HK1: variants seen among roughly 807,000 people sequenced by gnomAD.
HK1 encodes hexokinase 1, also known as hexokinase-1.
A neutral mutation model predicts 91.6 loss-of-function variants in HK1; 28 were observed. The observed-to-expected ratio is 0.31, with a 90% CI of 0.23 to 0.42. The LOEUF (loss-of-function observed/expected upper bound fraction) is 0.42, where lower values mean the gene tolerates loss of function less well. HK1 is among the 10% of genes least tolerant of loss of function. The pLI is 1.00. For missense variants in HK1, 770 were observed against 1,219.8 expected (o/e 0.63, Z 5.49); for synonymous variants, 430 against 468.1 (o/e 0.92, Z 1.05).
At chr10:69,366,289 C>T (rs898362129) in intron 4 of HK1, among the ~76,000 whole-genome samples, 20 of 152,286 alleles carry the variant, frequency 1.3e-4, no homozygotes, top group African/African-American at 3.9e-4. Context: ...ATTCCATGCT[C>T]GTAACTGGTC....
chr10:69,318,845 A>AGGAGGAGGAGCCGCCGAGCAGCCGCC (rs1404571487), upstream of HK1: 2,229 of 1,481,954 alleles, frequency 1.5e-3, 4 homozygotes, highest in Non-Finnish European at 1.9e-3. Flanking sequence ...GGGGAGGAGG[A>AGGAGGAGGAGCCGCCGAGCAGCCGCC]GGAGGAGGAG....
chr10:69,292,328 C>T (rs1323881268), intron 3 of HK1: 1 of 443,160 alleles, frequency 2.3e-6, no homozygotes, highest in Non-Finnish European at 4.5e-6. Flanking sequence ...CTGCCTCAGC[C>T]TCCTAAAGTG....
intron 1 of HK1, among the ~76,000 whole-genome samples, chr10:69,325,468 C>T (rs1235658338): frequency 3.3e-5 from 5 of 151,872 alleles, no homozygotes; most frequent in Admixed American, 3.3e-4. Context: ...AGCGATTCTC[C>T]TGCCTCAGCC....
At chr10:69,381,419 C>A (rs1228275846) in intron 9 of HK1, among the ~76,000 whole-genome samples, 1 of 151,828 alleles carries the variant, frequency 6.6e-6, no homozygotes, top group Non-Finnish European at 1.5e-5. Flanking sequence ...TTAGCCATTT[C>A]TTTCTTTTTT....
At chr10:69,288,036 T>C (rs1218598370) in intron 2 of HK1, among the ~76,000 whole-genome samples, 3 of 151,908 alleles carry the variant, frequency 2.0e-5, no homozygotes, top group Non-Finnish European at 2.9e-5. Flanking sequence ...TGGTTGCAGC[T>C]ACTCAGCAGG....
chr10:69,378,713 C>G (rs1263125890), intron 8 of HK1, among the ~76,000 whole-genome samples: 1 of 152,116 alleles, frequency 6.6e-6, no homozygotes, highest in Non-Finnish European at 1.5e-5. Context: ...AGCCACTGTG[C>G]CCAGCCCCCA....
chr10:69,386,258 G>GA, intron 12 of HK1, 65 bp from the exon 13 acceptor site: 1 of 1,334,300 alleles, frequency 7.5e-7, no homozygotes, highest in Non-Finnish European at 1.1e-6. Flanking sequence ...GGGAGGGTTG[G>GA]AATTTTGTGT....
intron 1 of HK1, chr10:69,270,887 A>G (rs1359305950): frequency 6.6e-6 from 1 of 152,196 alleles, no homozygotes; most frequent in Middle Eastern, 3.2e-3. Flanking sequence ...TAGCAATTGA[A>G]CAGTTTTCTG....
rs74427273 is a variant in HK1, at chr10:69,348,213, A to T, written c.226+4224A>T. On this transcript the variant is annotated intron_variant, in intron 2 of 17. Transcript: ENST00000359426. ...ACCCAAAGGAGAAGTAAAAAAAAAA[A>T]TTTTCTAGAAGCTTGGATGTGCCAT... is the stretch of plus-strand genomic sequence containing the variant. Among the ~76,000 whole-genome samples, 15 of 152,182 alleles carry T rather than the reference A, an allele frequency of 9.9e-5. No homozygotes were observed. In the South Asian group the frequency reaches 1.5e-3, roughly 15 times the overall value.
At chr10:69,283,024 G>T (rs111335869) in intron 2 of HK1, among the ~76,000 whole-genome samples, 8,145 of 150,502 alleles carry the variant, frequency 0.054, 314 homozygotes, top group South Asian at 0.13. Context: ...TACTTCGGAG[G>T]CTGAGGCAGG....
chr10:69,400,916 T>C lies in HK1; in HGVS notation c.2610-75T>C. 4.0e-6 allele frequency: 6 copies of C among 1,499,622 alleles called. 1 individual carries two copies. In the South Asian group the frequency reaches 4.5e-5, roughly 11 times the overall value. 92.9% of individuals were successfully genotyped at this position (1,499,622 alleles called of 1,614,324 possible). Reference sequence around the variant, plus strand: ...TCATCACCAGTCAGGGGGCTGTCTGTGCTTTGGTGTTTTCGGGTAGGCCCA... The same window carrying C: ...TCATCACCAGTCAGGGGGCTGTCTGCGCTTTGGTGTTTTCGGGTAGGCCCA... On this transcript the variant is annotated intron_variant, in intron 17 of 17. Coordinates refer to ENST00000359426, the MANE Select transcript of HK1 (RefSeq NM_000188.3).
At chr10:69,379,329 G>A (rs576760141) in intron 8 of HK1, among the ~76,000 whole-genome samples, 129 of 152,270 alleles carry the variant, frequency 8.5e-4, no homozygotes, top group African/African-American at 2.9e-3. Flanking sequence ...GTGTGTATGT[G>A]TGAGTGTATA....
rs1190060918 is a variant in HK1 at position 69,401,334 on chromosome 10, T to C, written c.*199T>C. The C allele has an allele frequency of 6.2e-6, 4 of 646,428 alleles. No individual in the cohort carries two copies. Among genetic ancestry groups the C allele is most frequent in the Non-Finnish European group, 1.1e-5 (4 of 372,714 alleles). 40.0% of individuals were successfully genotyped at this position (646,428 alleles called of 1,614,324 possible). On this transcript the variant is annotated 3_prime_UTR_variant, in exon 18 of 18. Coordinates refer to ENST00000359426, the MANE Select transcript of HK1 (RefSeq NM_000188.3). ...CTGTTGATAATATCTCTCACCCGGA[T>C]CCCTCCTCACTTGCCCTGCCACTTT...
chr10:69,358,543 A>G (rs1387376049), intron 2 of HK1, among the ~76,000 whole-genome samples: 1 of 152,238 alleles, frequency 6.6e-6, no homozygotes, highest in Admixed American at 6.5e-5. Context: ...TAGTGGATCC[A>G]TACAATGGAA....
intron 1 of HK1, among the ~76,000 whole-genome samples, chr10:69,273,845 T>C (rs1484607906): frequency 6.6e-6 from 1 of 152,232 alleles, no homozygotes; most frequent in Non-Finnish European, 1.5e-5. Flanking sequence ...GTCCATTTTT[T>C]CTAACTTTTC....
Position 69,367,111 on chromosome 10 carries a change from C to T in HK1, c.496-1425C>T, listed in dbSNP as rs563173933. 4.6e-5 allele frequency among the ~76,000 whole-genome samples: 7 copies of T among 152,246 alleles called. No homozygotes were observed. In the South Asian group the frequency reaches 6.2e-4, roughly 14 times the overall value. ...GTGGGAGGGAATGACTTCCTGGGCA[C>T]GAGAGCCTGCAGGGTGGAGCAGACA... On this transcript the variant is annotated intron_variant, in intron 4 of 17. Coordinates refer to ENST00000359426, the MANE Select transcript of HK1 (RefSeq NM_000188.3).
chr10:69,389,212 G>A lies in HK1; in HGVS notation c.1951G>A (p.Val651Met), dbSNP rs762990075. ...CTTTGCAAAGGAATTTGACCTGGACGTGGTGGCTGTGGTCAACGACACAGT... is the reference window on the plus strand; with the variant it reads ...CTTTGCAAAGGAATTTGACCTGGACATGGTGGCTGTGGTCAACGACACAGT... ...IKRREEFDLD[V>M]VAVVNDTVGT... Residue 651 changes from valine to methionine, a missense_variant, in exon 14 of 18, where the codon GTG becomes ATG. Physicochemically the swap from Val to Met is conservative, Grantham distance 21. Around this residue, in one of 7 missense-constraint regions of HK1, gnomAD observed 152 missense variants for 211.1 expected, o/e 0.72. Transcript: ENST00000359426. 1 of 1,613,950 alleles carries A rather than the reference G, an allele frequency of 6.2e-7. No homozygotes were observed.
At chr10:69,276,362 A>G (rs1184786838) in intron 1 of HK1, among the ~76,000 whole-genome samples, 1 of 151,844 alleles carries the variant, frequency 6.6e-6, no homozygotes, top group Non-Finnish European at 1.5e-5. Flanking sequence ...TTAATTTATT[A>G]GAATATTAAC....
chr10:69,343,800 C>A lies in HK1; in HGVS notation c.64-27C>A, dbSNP rs1214100639. 4 of 1,592,890 alleles carry A rather than the reference C, an allele frequency of 2.5e-6. No homozygotes were observed. In the Admixed American group the frequency reaches 5.0e-5, roughly 20 times the overall value. ...TGCCCTGTCCTCCCCCTCGACCTCA[C>A]TCTCCTTCCTTCTCATCCCCCTCCA... On this transcript the variant is annotated intron_variant, in intron 1 of 17. Coordinates refer to ENST00000359426, the MANE Select transcript of HK1 (RefSeq NM_000188.3).
Sources: allele counts gnomAD v4.1 joint callset (sites outside exome capture counted in the v4.1 genomes callset), GRCh38; gene constraint gnomAD v4.1.1; regional missense constraint gnomAD v4.1.1; transcripts MANE v1.5; gene names NCBI Gene and HGNC (gene_info 2026-07-23, HGNC 2026-07-21).